The following DNAH6 variants were observed in gnomAD, a reference collection of about 807,000 sequenced individuals.
DNAH6 encodes dynein axonemal heavy chain 6.
A neutral mutation model predicts 491.4 loss-of-function variants in DNAH6; 340 were observed. The observed-to-expected ratio is 0.69, with a 90% CI of 0.63 to 0.76. The LOEUF (loss-of-function observed/expected upper bound fraction) is 0.76. DNAH6 is among the 30% of genes least tolerant of loss of function. The probability of loss-of-function intolerance (pLI) is 0.00; values close to 1 mark genes in which losing one functional copy is unlikely to be tolerated. For synonymous variants in DNAH6, 1,603 were observed against 1,686.1 expected (o/e 0.95, Z 1.21); for missense variants, 4,443 against 4,972.2 (o/e 0.89, Z 3.20).
intron 37 of DNAH6, 84 bp from the exon 38 acceptor site, chr2:84,669,205 T>C: frequency 2.7e-6 from 3 of 1,102,560 alleles, no homozygotes; most frequent in Non-Finnish European, 2.7e-6. Flanking sequence ...TTTGACTGCC[T>C]TTTTTTCTAT....
intron 2 of DNAH6, among the ~76,000 whole-genome samples, chr2:84,524,006 A>C (rs1676375503): frequency 6.6e-6 from 1 of 151,774 alleles, no homozygotes; most frequent in Admixed American, 6.6e-5. Context: ...ATCTGTGTTA[A>C]TTTTCTGACT....
intron 22 of DNAH6, among the ~76,000 whole-genome samples, chr2:84,612,958 G>C (rs1686474194): frequency 1.3e-5 from 2 of 151,940 alleles, no homozygotes; most frequent in Non-Finnish European, 2.9e-5. Flanking sequence ...AGATTACAGA[G>C]TGCTGTCCCA....
chr2:84,555,037 T>C (rs915923709), intron 10 of DNAH6, among the ~76,000 whole-genome samples: 1 of 152,242 alleles, frequency 6.6e-6, no homozygotes, highest in African/African-American at 2.4e-5. Context: ...AATAAGATTT[T>C]ATTTCATATA....
At chr2:84,638,358 T>C (rs1161462872) in intron 31 of DNAH6, among the ~76,000 whole-genome samples, 2 of 152,122 alleles carry the variant, frequency 1.3e-5, no homozygotes, top group Admixed American at 1.3e-4. Flanking sequence ...GTATAATTTA[T>C]ACACAATAAA....
intron 64 of DNAH6, among the ~76,000 whole-genome samples, chr2:84,776,565 T>G (rs1676142768): frequency 6.6e-6 from 1 of 152,222 alleles, no homozygotes; most frequent in Non-Finnish European, 1.5e-5. Context: ...GACTTTAAAA[T>G]TGCAGGTCTT....
chr2:84,749,133 T>C (rs559125330), intron 63 of DNAH6, among the ~76,000 whole-genome samples: 24 of 152,254 alleles, frequency 1.6e-4, no homozygotes, highest in Admixed American at 7.9e-4. Flanking sequence ...ACCTCCAGTA[T>C]TGGGAATCAT....
chr2:84,549,783 A>G, intron 8 of DNAH6, 106 bp from the exon 9 acceptor site: 1 of 764,628 alleles, frequency 1.3e-6, no homozygotes, highest in Non-Finnish European at 2.0e-6. Flanking sequence ...AAATTCAAGG[A>G]GAAATTATGA....
chr2:84,610,060 C>T (rs574394273), intron 21 of DNAH6, among the ~76,000 whole-genome samples: 2 of 152,234 alleles, frequency 1.3e-5, no homozygotes, highest in South Asian at 4.1e-4. Flanking sequence ...AGACTGGGTT[C>T]TCATCAGAAG....
At chr2:84,667,454 A>G (rs1309691954) in intron 37 of DNAH6, among the ~76,000 whole-genome samples, 3 of 152,252 alleles carry the variant, frequency 2.0e-5, no homozygotes, top group African/African-American at 7.2e-5. Context: ...GTGAACAGAT[A>G]CTTCTCAAAA....
At chr2:84,643,976 T>G (rs1179807918) in intron 33 of DNAH6, among the ~76,000 whole-genome samples, 1 of 152,140 alleles carries the variant, frequency 6.6e-6, no homozygotes, top group Non-Finnish European at 1.5e-5. Context: ...TCTTGATAGC[T>G]GGACATGATG....
At chr2:84,597,227 A>C (rs138901236) in intron 18 of DNAH6, among the ~76,000 whole-genome samples, 40 of 152,346 alleles carry the variant, frequency 2.6e-4, no homozygotes, top group African/African-American at 9.1e-4. Flanking sequence ...AAATGCATTT[A>C]AGATCCCTCT....
intron 20 of DNAH6, among the ~76,000 whole-genome samples, chr2:84,606,583 G>A (rs1685795168): frequency 6.6e-6 from 1 of 152,034 alleles, no homozygotes; most frequent in Non-Finnish European, 1.5e-5. Context: ...ATAATTCATT[G>A]GACAGAAGAC....
At chr2:84,494,325 G>A in the DNAH6 span, among the ~76,000 whole-genome samples, 3 of 152,138 alleles carry the variant, frequency 2.0e-5, no homozygotes, top group Non-Finnish European at 4.4e-5. Flanking sequence ...TGTAGCATTT[G>A]ACGAAGACCA....
At chr2:84,815,409 A>G (rs1680391811) in intron 75 of DNAH6, among the ~76,000 whole-genome samples, 1 of 151,724 alleles carries the variant, frequency 6.6e-6, no homozygotes, top group Non-Finnish European at 1.5e-5. Flanking sequence ...ACCGGTGGAG[A>G]CATCCAATCA....
intron 45 of DNAH6, 36 bp downstream of exon 45, chr2:84,688,629 T>G (rs1254862551): frequency 3.4e-6 from 5 of 1,473,708 alleles, no homozygotes; most frequent in Non-Finnish European, 4.5e-6. Context: ...ATGCATTGAT[T>G]TAATATTTTT....
At chr2:84,541,628 C>T (rs149414559) in intron 4 of DNAH6, among the ~76,000 whole-genome samples, 1,684 of 152,104 alleles carry the variant, frequency 0.011, 12 homozygotes, top group African/African-American at 0.017. Context: ...GGAAAAGAAA[C>T]CAAAAAACTA....
At chr2:84,518,072 T>G (rs1403811184) in intron 2 of DNAH6, 21 bp downstream of exon 2, 5 of 1,515,878 alleles carry the variant, frequency 3.3e-6, no homozygotes, top group Non-Finnish European at 4.4e-6. Flanking sequence ...AAACCATTGT[T>G]TTAGCCTCTG....
the DNAH6 span, among the ~76,000 whole-genome samples, chr2:84,508,310 C>G: frequency 2.0e-5 from 3 of 152,182 alleles, no homozygotes; most frequent in African/African-American, 4.8e-5. Flanking sequence ...GTGTATGTGT[C>G]GAGGAATTTA....
chr2:84,726,068 A>G (rs916459481), intron 60 of DNAH6, among the ~76,000 whole-genome samples: 2 of 152,296 alleles, frequency 1.3e-5, no homozygotes, highest in South Asian at 4.1e-4. Flanking sequence ...GACTGACACA[A>G]TCAGGCCCCT....
Sources: gnomAD v4.1 joint callset for allele counts (sites outside exome capture counted in the v4.1 genomes callset) on GRCh38, gnomAD v4.1.1 for gene constraint, MANE v1.5 for transcripts, NCBI Gene and HGNC (gene_info 2026-07-23, HGNC 2026-07-21) for gene names.